REDIC1: variants seen among roughly 807,000 people sequenced by gnomAD.
REDIC1 encodes HEI10 Interacting Protein 1.
the REDIC1 span, among the ~76,000 whole-genome samples, chr12:39,726,859 A>G: frequency 6.6e-6 from 1 of 152,306 alleles, no homozygotes; most frequent in Non-Finnish European, 1.5e-5. Context: ...TGCCATTCTA[A>G]CTGGCGCGAG....
At chr12:39,693,801 A>G in the REDIC1 span, among the ~76,000 whole-genome samples, 1 of 152,120 alleles carries the variant, frequency 6.6e-6, no homozygotes, top group African/African-American at 2.4e-5. Context: ...TTTCAGGGTA[A>G]TTTCTGGGAG....
At chr12:39,765,769 C>T in the REDIC1 span, among the ~76,000 whole-genome samples, 1 of 152,038 alleles carries the variant, frequency 6.6e-6, no homozygotes, top group Non-Finnish European at 1.5e-5. Flanking sequence ...ACAGGATGTG[C>T]AGGTTTGTTA....
chr12:39,703,540 C>T, the REDIC1 span, among the ~76,000 whole-genome samples: 1 of 151,680 alleles, frequency 6.6e-6, no homozygotes, highest in Non-Finnish European at 1.5e-5. Context: ...ATGCCATCCC[C>T]ATCAAGCTAC....
the REDIC1 span, chr12:39,721,670 A>C: frequency 1.3e-5 from 2 of 155,896 alleles, no homozygotes; most frequent in African/African-American, 4.8e-5. Context: ...TTTAAGATAG[A>C]AAATAATACC....
the REDIC1 span, among the ~76,000 whole-genome samples, chr12:39,699,590 G>A: frequency 6.6e-6 from 1 of 152,208 alleles, no homozygotes; most frequent in Non-Finnish European, 1.5e-5. Context: ...GAACTGGGTG[G>A]AGCCCACCAC....
the REDIC1 span, among the ~76,000 whole-genome samples, chr12:39,786,360 C>A: frequency 8.4e-5 from 1 of 11,898 alleles, no homozygotes; most frequent in Non-Finnish European, 1.9e-4. Context: ...TAAGAAGTGT[C>A]TTTCATCTCC....
chr12:39,760,280 A>C, the REDIC1 span: 2 of 1,563,956 alleles, frequency 1.3e-6, no homozygotes, highest in Non-Finnish European at 1.7e-6. Context: ...AGATACATGA[A>C]TATGAATATA....
At chr12:39,723,770 T>G in the REDIC1 span, among the ~76,000 whole-genome samples, 2 of 152,098 alleles carry the variant, frequency 1.3e-5, no homozygotes, top group Non-Finnish European at 2.9e-5. Context: ...TTAACCCTAT[T>G]TGTGAAACAG....
At chr12:39,826,854 ATT>A in the REDIC1 span, among the ~76,000 whole-genome samples, 5 of 67,386 alleles carry the variant, frequency 7.4e-5, no homozygotes, top group East Asian at 6.1e-4. Flanking sequence ...GTCTCTTTCA[ATT>A]TTTTTTTTTT....
chr12:39,904,800 T>C, the REDIC1 span, among the ~76,000 whole-genome samples: 1 of 152,150 alleles, frequency 6.6e-6, no homozygotes, highest in African/African-American at 2.4e-5. Context: ...GCTACTTCTT[T>C]AGTGCATATT....
chr12:39,816,158 T>C, the REDIC1 span, among the ~76,000 whole-genome samples: 2 of 152,110 alleles, frequency 1.3e-5, no homozygotes, highest in African/African-American at 4.8e-5. Flanking sequence ...TTTGTGAACT[T>C]GGGGTTTGTT....
At chr12:39,637,894 A>G in the REDIC1 span, among the ~76,000 whole-genome samples, 2 of 152,230 alleles carry the variant, frequency 1.3e-5, no homozygotes, top group African/African-American at 2.4e-5. Context: ...TAAGGAGTAC[A>G]TATATCCTGA....
At chr12:39,721,497 T>C in the REDIC1 span, 1 of 379,746 alleles carries the variant, frequency 2.6e-6, no homozygotes, top group Non-Finnish European at 4.7e-6. Context: ...GAAAATAATA[T>C]ATTTGTAAAT....
chr12:39,733,789 G>A, the REDIC1 span, among the ~76,000 whole-genome samples: 4 of 152,218 alleles, frequency 2.6e-5, no homozygotes, highest in Non-Finnish European at 5.9e-5. Flanking sequence ...ACTTCAGACT[G>A]CTGTGCTGAC....
At chr12:39,849,220 T>C in the REDIC1 span, among the ~76,000 whole-genome samples, 4 of 151,210 alleles carry the variant, frequency 2.6e-5, no homozygotes, top group African/African-American at 9.7e-5. Flanking sequence ...TGGGAAAGAG[T>C]CCCTAACAGT....
At chr12:39,732,646 T>G in the REDIC1 span, among the ~76,000 whole-genome samples, 1 of 152,236 alleles carries the variant, frequency 6.6e-6, no homozygotes, top group East Asian at 1.9e-4. Context: ...TCTTTAGTCT[T>G]TTATGTACTC....
the REDIC1 span, among the ~76,000 whole-genome samples, chr12:39,774,938 TAC>T: frequency 1.3e-5 from 2 of 152,202 alleles, no homozygotes; most frequent in Admixed American, 1.3e-4. Context: ...GCAATAGTGG[TAC>T]AGTCTCTAAT....
At chr12:39,685,220 C>A in the REDIC1 span, among the ~76,000 whole-genome samples, 2 of 152,082 alleles carry the variant, frequency 1.3e-5, no homozygotes, top group Non-Finnish European at 2.9e-5. Context: ...TCTTGCATTG[C>A]TATAAAGAAA....
chr12:39,829,424 T>TTTTTTTTA, the REDIC1 span: 1 of 127,956 alleles, frequency 7.8e-6, no homozygotes, highest in Non-Finnish European at 1.6e-5. Context: ...TTCTTTTTTT[T>TTTTTTTTA]GAGGCAGAGT....
Sources: allele counts gnomAD v4.1 joint callset (sites outside exome capture counted in the v4.1 genomes callset), GRCh38; gene constraint gnomAD v4.1.1; transcripts MANE v1.5; gene names NCBI Gene and HGNC (gene_info 2026-07-23, HGNC 2026-07-21).